SLC2A9: variants seen among roughly 807,000 people sequenced by gnomAD.
SLC2A9 encodes solute carrier family 2 member 9, also known as solute carrier family 2, facilitated glucose transporter member 9.
Under a neutral mutation model 50.6 loss-of-function variants are expected in SLC2A9, and 39 were observed. That is an observed-to-expected ratio of 0.77 (90% confidence interval 0.60 to 1.01). The LOEUF is 1.01. Ranked by LOEUF, SLC2A9 falls within the 50% of genes least tolerant of loss-of-function variation. SLC2A9 has a pLI of 0.00. For synonymous variants in SLC2A9, 324 were observed against 276.9 expected, an observed-to-expected ratio of 1.17 and a Z score of -1.69; for missense variants, 686 against 677.6, an observed-to-expected ratio of 1.01 and a Z score of -0.14.
chr4:9,989,554 C>T (rs1757321744), intron 3 of SLC2A9, among the ~76,000 whole-genome samples: 1 of 152,070 alleles, frequency 6.6e-6, no homozygotes, highest in South Asian at 2.1e-4. Flanking sequence ...TGCCCAGACA[C>T]CTGCCTTCCC....
chr4:9,920,680 TG>T, intron 6 of SLC2A9, 108 bp from the exon 7 acceptor site: 2 of 1,346,590 alleles, frequency 1.5e-6, no homozygotes, highest in South Asian at 1.2e-5. Flanking sequence ...ACACCTTAGC[TG>T]GGGGCGGAAC....
chr4:9,925,190 A>G (rs1380840022), intron 6 of SLC2A9, among the ~76,000 whole-genome samples: 1 of 152,100 alleles, frequency 6.6e-6, no homozygotes, highest in Non-Finnish European at 1.5e-5. Flanking sequence ...TTGTGTCCAG[A>G]ACACCCTGCC....
intron 7 of SLC2A9, among the ~76,000 whole-genome samples, chr4:9,912,034 G>A (rs538649569): frequency 5.4e-4 from 82 of 152,120 alleles, no homozygotes; most frequent in Middle Eastern, 3.4e-3. Context: ...GCAAACTATC[G>A]CAAGGACAAA....
intron 1 of SLC2A9, chr4:10,029,362 G>C (rs1183200061): frequency 6.6e-6 from 1 of 152,124 alleles, no homozygotes; most frequent in Non-Finnish European, 1.5e-5. Flanking sequence ...GCTTCTCAGT[G>C]CCTCCCAGAC....
chr4:9,789,865 G>A (rs993661132), intron 3 of SLC2A9, among the ~76,000 whole-genome samples: 9 of 152,174 alleles, frequency 5.9e-5, no homozygotes, highest in Non-Finnish European at 1.0e-4. Context: ...TCTCTTCTAA[G>A]ACCATTCCTG....
chr4:9,776,390 G>T (rs1008361116), downstream of SLC2A9, among the ~76,000 whole-genome samples: 1 of 151,940 alleles, frequency 6.6e-6, no homozygotes, highest in Non-Finnish European at 1.5e-5. Context: ...ATACCCCACT[G>T]TTGCTCTAAC....
intron 10 of SLC2A9, among the ~76,000 whole-genome samples, chr4:9,874,472 A>T (rs969893832): frequency 6.6e-6 from 1 of 152,152 alleles, no homozygotes; most frequent in Non-Finnish European, 1.5e-5. Context: ...CCTTCCCACA[A>T]AGTGGAGCAC....
At chr4:9,899,834 A>C (rs1739264587) in intron 8 of SLC2A9, among the ~76,000 whole-genome samples, 1 of 152,138 alleles carries the variant, frequency 6.6e-6, no homozygotes, top group African/African-American at 2.4e-5. Flanking sequence ...GCCAACTGGG[A>C]TGGAAGGAAA....
At chr4:9,843,470 C>T (rs79150862) in intron 10 of SLC2A9, among the ~76,000 whole-genome samples, 1,583 of 151,890 alleles carry the variant, frequency 0.01, 32 homozygotes, top group African/African-American at 0.036. Flanking sequence ...AAGTTAGGGG[C>T]CTGGGGTGAG....
At chr4:9,997,616 C>T (rs1417381517) in intron 2 of SLC2A9, among the ~76,000 whole-genome samples, 1 of 152,090 alleles carries the variant, frequency 6.6e-6, no homozygotes, top group Non-Finnish European at 1.5e-5. Context: ...ATGAGAATCT[C>T]TTGGACCCAG....
chr4:10,018,589 T>TAGACAAAC (rs1553915108), intron 2 of SLC2A9, among the ~76,000 whole-genome samples: 2 of 151,030 alleles, frequency 1.3e-5, no homozygotes, highest in African/African-American at 4.9e-5. Context: ...GATAGATAGA[T>TAGACAAAC]AACAACAACA....
chr4:9,952,532 CTGTCTT>C (rs1750497428), intron 5 of SLC2A9, among the ~76,000 whole-genome samples: 3 of 139,028 alleles, frequency 2.2e-5, no homozygotes, highest in African/African-American at 5.5e-5. Context: ...TCAGATCTGT[CTGTCTT>C]TTTTTTTTTT....
rs779199552 is a variant in SLC2A9 at position 9,900,226 on chromosome 4, C to T, written c.1113+8009G>A. 5.0e-4 allele frequency among the ~76,000 whole-genome samples: 76 copies of T among 152,164 alleles called. 1 individual carries two copies. Among genetic ancestry groups the T allele is most frequent in the Non-Finnish European group, 2.6e-4 (18 of 68,032 alleles). ...AAGGGGATGGTAAATGCTGTCTCCACCCTGCATCCCATGAGCCACATCCGC... is the reference window on the plus strand; with the variant it reads ...AAGGGGATGGTAAATGCTGTCTCCATCCTGCATCCCATGAGCCACATCCGC... On this transcript the variant is annotated intron_variant, in intron 8 of 11. Transcript: ENST00000264784.
intron 10 of SLC2A9, among the ~76,000 whole-genome samples, chr4:9,874,394 G>A (rs549730968): frequency 2.6e-5 from 4 of 152,296 alleles, no homozygotes; most frequent in African/African-American, 9.6e-5. Flanking sequence ...CCCTGCAGAT[G>A]CACATGTGTA....
chr4:10,016,115 G>A (rs1762568341), intron 2 of SLC2A9, among the ~76,000 whole-genome samples: 1 of 152,228 alleles, frequency 6.6e-6, no homozygotes, highest in Non-Finnish European at 1.5e-5. Flanking sequence ...AGGCTAAAAA[G>A]CGCCTTGTGA....
intron 3 of SLC2A9, among the ~76,000 whole-genome samples, chr4:9,780,338 G>C (rs1307151750): frequency 3.3e-5 from 5 of 152,312 alleles, no homozygotes; most frequent in African/African-American, 7.2e-5. Context: ...CCAGCTCCCA[G>C]AAGATGAGGA....
In SLC2A9 at chr4:9,803,255, G is replaced by C. The variant is rs771085845; in HGVS notation, n.421-4014C>G. Reference sequence around the variant, plus strand: ...TTCAAGGGAAATTCTTAAACAGCCTGAACACAATATGAGCTTGAGGTTGTT... The same window carrying C: ...TTCAAGGGAAATTCTTAAACAGCCTCAACACAATATGAGCTTGAGGTTGTT... On this transcript the variant is annotated intron_variant and non_coding_transcript_variant, in intron 3 of 3. Coordinates refer to the SLC2A9 transcript ENST00000503280. Among the ~76,000 whole-genome samples the C allele has an allele frequency of 3.3e-5, 5 of 152,216 alleles. No individual in the cohort carries two copies. The South Asian group carries it at 8.3e-4, about 25-fold the overall frequency.
intron 3 of SLC2A9, among the ~76,000 whole-genome samples, chr4:9,799,692 A>ACCGGGGGGGGCCCCCCCCCCC: frequency 1.4e-5 from 1 of 69,864 alleles, no homozygotes; most frequent in South Asian, 7.0e-4. Flanking sequence ...TTCCAATTGT[A>ACCGGGGGGGGCCCCCCCCCCC]CCCCCCCCCC....
intron 5 of SLC2A9, among the ~76,000 whole-genome samples, chr4:9,966,063 A>G (rs983270770): frequency 1.3e-5 from 2 of 152,208 alleles, no homozygotes. Flanking sequence ...ATATACTTAT[A>G]AGAAATTCTC....
Sources: gnomAD v4.1 joint callset for allele counts (sites outside exome capture counted in the v4.1 genomes callset) on GRCh38, gnomAD v4.1.1 for gene constraint, MANE v1.5 for transcripts, NCBI Gene and HGNC (gene_info 2026-07-23, HGNC 2026-07-21) for gene names.